Variants in MIPOL1 observed in about 807,000 individuals in gnomAD.
MIPOL1 encodes the protein mirror-image polydactyly 1, also known as mirror-image polydactyly gene 1 protein.
MIPOL1 carries 57 observed loss-of-function variants against 60.9 expected under a neutral mutation model. The observed-to-expected ratio is 0.94, with a 90% CI of 0.76 to 1.17. The LOEUF is 1.17. Among genes scored for constraint, MIPOL1 ranks in the 50% most tolerant of loss-of-function variants. The probability of loss-of-function intolerance (pLI) is 0.00; values close to 1 mark genes in which losing one functional copy is unlikely to be tolerated. For synonymous variants in MIPOL1, 179 were observed against 168.8 expected, an observed-to-expected ratio of 1.06 and a Z score of -0.47; for missense variants, 551 against 511.6, an observed-to-expected ratio of 1.08 and a Z score of -0.74.
intron 1 of MIPOL1, among the ~76,000 whole-genome samples, chr14:37,209,700 G>A (rs1966630698): frequency 6.6e-6 from 1 of 151,846 alleles, no homozygotes; most frequent in Admixed American, 6.6e-5. Flanking sequence ...TATACACATG[G>A]TTTTCGTTTA....
Position 37,393,404 on chromosome 14 carries a change from T to TTGTG in MIPOL1, c.936+23799_936+23802dup, listed in dbSNP as rs66937049. 3.5e-3 allele frequency among the ~76,000 whole-genome samples: 417 copies of TTGTG among 117,988 alleles called. 2 individuals are homozygous for TTGTG. Among genetic ancestry groups the TTGTG allele is most frequent in the African/African-American group, 0.013 (390 of 30,710 alleles). The allele number at this position is 117,988 out of a possible 152,430, so 77.4% of individuals were successfully genotyped here. A position where few individuals can be genotyped will look rare whatever the true frequency, so the allele number is the denominator to read the frequency against. ...GGTTTTGTTTTGTTTTGTTTTGTTT[T>TTGTG]TGTGTGTGTGTGTGTGTGTGTGGCG... is the stretch of plus-strand genomic sequence containing the variant. On this transcript the variant is annotated intron_variant, in intron 10 of 12. Coordinates refer to ENST00000684589, the MANE Select transcript of MIPOL1 (RefSeq NM_001388067.1).
chr14:37,489,920 C>A (rs1453818632), intron 11 of MIPOL1, among the ~76,000 whole-genome samples: 1 of 152,186 alleles, frequency 6.6e-6, no homozygotes, highest in East Asian at 1.9e-4. Context: ...AGTCAGGATA[C>A]ACAGGGGTCA....
chr14:37,269,535 T>C (rs1308222943), intron 5 of MIPOL1, among the ~76,000 whole-genome samples: 1 of 152,064 alleles, frequency 6.6e-6, no homozygotes, highest in Admixed American at 6.6e-5. Flanking sequence ...AAAAAACATG[T>C]GGAGGGATTC....
In MIPOL1 at chr14:37,300,593, C is replaced by A. The variant is rs2086277729; in HGVS notation, c.624-7463C>A. On this transcript the variant is annotated intron_variant, in intron 7 of 12. Transcript: ENST00000684589. ...TGATTACAGCTCACTGCAGCCTTGA[C>A]CTCTTGGGCTCAAGCAGTCCTCCCA... Among the ~76,000 whole-genome samples, 2 of 15,808 alleles carry A rather than the reference C, an allele frequency of 1.3e-4. 1 individual carries two copies. The highest frequency in any genetic ancestry group is 1.6e-4 in the African/African-American group (2 of 12,536). The allele number at this position is 15,808 out of a possible 152,430, so 10.4% of individuals were successfully genotyped here.
rs554243689 is a variant in MIPOL1, at chr14:37,302,115, C to A, written c.624-5941C>A. Among the ~76,000 whole-genome samples the A allele has an allele frequency of 4.1e-5, 6 of 146,662 alleles. No homozygotes were observed. The South Asian group carries it at 1.3e-3, about 32-fold the overall frequency. The stretch of plus-strand genomic sequence containing the variant: ...ATATTTTCAAATCAGTTGAGTAAAC[C>A]CAGTAGCAATACTGCTGAATCATAA... On this transcript the variant is annotated intron_variant, in intron 7 of 12. Coordinates refer to ENST00000684589, the MANE Select transcript of MIPOL1 (RefSeq NM_001388067.1).
chr14:37,271,654 G>T (rs559481294), intron 6 of MIPOL1, among the ~76,000 whole-genome samples: 1 of 151,806 alleles, frequency 6.6e-6, no homozygotes, highest in South Asian at 2.1e-4. Context: ...AAAATTAATA[G>T]TTTGTTAAAA....
Position 37,268,794 on chromosome 14 carries a change from G to A in MIPOL1, c.387+1G>A, listed in dbSNP as rs567235015. On this transcript the variant is annotated splice_donor_variant, in intron 5 of 12. Coordinates refer to ENST00000684589, the MANE Select transcript of MIPOL1 (RefSeq NM_001388067.1). LOFTEE classifies it high-confidence loss of function. ...TATTCTCAGAACAAGCAATAAAAAG[G>A]TATAATATGGAAAGTCTGATAATTG... 107 of 1,559,486 alleles carry A rather than the reference G, an allele frequency of 6.9e-5. No individual in the cohort carries two copies. The highest frequency in any genetic ancestry group is 1.3e-4 in the Admixed American group (7 of 52,186).
At chr14:37,469,048 A>G (rs1188275155) in intron 11 of MIPOL1, among the ~76,000 whole-genome samples, 2 of 152,206 alleles carry the variant, frequency 1.3e-5, no homozygotes, top group African/African-American at 2.4e-5. Context: ...CCAGGGAGTG[A>G]TATATTCATA....
At chr14:37,540,731 C>T (rs181518472) in intron 12 of MIPOL1, among the ~76,000 whole-genome samples, 112 of 152,260 alleles carry the variant, frequency 7.4e-4, no homozygotes, top group African/African-American at 2.6e-3. Context: ...ATGTGTCACA[C>T]TCACATTTTA....
At chr14:37,279,964 T>C (rs2083972092) in intron 6 of MIPOL1, among the ~76,000 whole-genome samples, 2 of 152,142 alleles carry the variant, frequency 1.3e-5, no homozygotes, top group Non-Finnish European at 2.9e-5. Flanking sequence ...CCCCAGCCTC[T>C]GGTAGCTATT....
intron 9 of MIPOL1, among the ~76,000 whole-genome samples, chr14:37,346,812 C>T (rs1008532294): frequency 2.6e-5 from 4 of 151,734 alleles, no homozygotes; most frequent in African/African-American, 7.3e-5. Context: ...ACCTCTTCAG[C>T]GAAAGGAACT....
chr14:37,323,299 T>C (rs1210305263), intron 9 of MIPOL1, among the ~76,000 whole-genome samples: 1 of 152,136 alleles, frequency 6.6e-6, no homozygotes, highest in Non-Finnish European at 1.5e-5. Context: ...TGTATGGTGT[T>C]ATTTCTGAGG....
intron 3 of MIPOL1, among the ~76,000 whole-genome samples, chr14:37,248,577 T>C (rs1346320707): frequency 1.3e-5 from 2 of 151,942 alleles, no homozygotes; most frequent in African/African-American, 4.8e-5. Context: ...AGACAAGATA[T>C]GGCTCTTTCA....
intron 10 of MIPOL1, among the ~76,000 whole-genome samples, chr14:37,382,839 A>G (rs1001095477): frequency 6.6e-6 from 1 of 151,956 alleles, no homozygotes; most frequent in African/African-American, 2.4e-5. Context: ...AAACAAAAAA[A>G]GGCATCTTGG....
intron 9 of MIPOL1, among the ~76,000 whole-genome samples, chr14:37,351,059 TCC>T (rs869120180): frequency 1.4e-4 from 1 of 7,378 alleles, no homozygotes; most frequent in African/African-American, 7.5e-4. Flanking sequence ...CCCTCCCCCC[TCC>T]CCCCACCCCA....
chr14:37,248,708 A>T (rs1285627437), intron 3 of MIPOL1, among the ~76,000 whole-genome samples: 1 of 152,140 alleles, frequency 6.6e-6, no homozygotes, highest in African/African-American at 2.4e-5. Context: ...CCAGAGAAAC[A>T]GACACACCTA....
At chr14:37,366,624 G>A (rs968360359) in intron 9 of MIPOL1, among the ~76,000 whole-genome samples, 4 of 151,836 alleles carry the variant, frequency 2.6e-5, no homozygotes, top group African/African-American at 2.4e-5. Context: ...TGCATTCTGC[G>A]GCCGTTGGAC....
At chr14:37,297,067 G>A (rs1478401735) in intron 7 of MIPOL1, among the ~76,000 whole-genome samples, 1 of 152,122 alleles carries the variant, frequency 6.6e-6, no homozygotes, top group Non-Finnish European at 1.5e-5. Context: ...TAAAATACTG[G>A]CAAACTGAAT....
At chr14:37,459,267 A>G (rs910761029) in intron 11 of MIPOL1, among the ~76,000 whole-genome samples, 3 of 152,156 alleles carry the variant, frequency 2.0e-5, no homozygotes, top group Admixed American at 6.5e-5. Context: ...TTGATAAACG[A>G]CTAGCTAGAA....
Sources: gnomAD v4.1 joint callset for allele counts (sites outside exome capture counted in the v4.1 genomes callset) on GRCh38, gnomAD v4.1.1 for gene constraint, MANE v1.5 for transcripts, NCBI Gene and HGNC (gene_info 2026-07-23, HGNC 2026-07-21) for gene names.